Variants in MDGA2 observed in about 807,000 individuals in gnomAD.
The protein encoded by MDGA2 is MAM domain-containing glycosylphosphatidylinositol anchor protein 2.
A neutral mutation model predicts 117.8 loss-of-function variants in MDGA2; 40 were observed. That is an observed-to-expected ratio of 0.34 (90% confidence interval 0.26 to 0.44). The LOEUF (loss-of-function observed/expected upper bound fraction) is 0.44, where lower values mean the gene tolerates loss of function less well. Among genes scored for constraint, MDGA2 ranks in the 20% least tolerant of loss-of-function variants. The pLI is 1.00. For missense variants in MDGA2, 1,123 were observed against 1,250.6 expected (o/e 0.90, Z 1.54); for synonymous variants, 452 against 439.0 (o/e 1.03, Z -0.37).
At chr14:47,036,188 T>C (rs995781216) in intron 7 of MDGA2, among the ~76,000 whole-genome samples, 29 of 141,116 alleles carry the variant, frequency 2.1e-4, no homozygotes, top group African/African-American at 7.5e-4. Context: ...GAGAATGGTG[T>C]GAACCCGGGA....
intron 1 of MDGA2, among the ~76,000 whole-genome samples, chr14:47,461,370 T>C (rs560193276): frequency 6.6e-6 from 1 of 151,154 alleles, no homozygotes; most frequent in South Asian, 2.1e-4. Context: ...GAACATTTGG[T>C]CAAACTTGTT....
intron 1 of MDGA2, among the ~76,000 whole-genome samples, chr14:47,454,403 A>G (rs1371187117): frequency 2.0e-5 from 3 of 152,202 alleles, no homozygotes; most frequent in African/African-American, 7.2e-5. Flanking sequence ...AAGAGGAATG[A>G]CTGGGCCATG....
intron 2 of MDGA2, among the ~76,000 whole-genome samples, chr14:47,295,084 T>G (rs893609444): frequency 1.3e-5 from 2 of 152,228 alleles, no homozygotes; most frequent in Non-Finnish European, 2.9e-5. Context: ...CCTAGTGTTT[T>G]GGATTTACAT....
intron 4 of MDGA2, among the ~76,000 whole-genome samples, chr14:47,136,929 C>CA (rs1195742344): frequency 6.6e-6 from 1 of 152,064 alleles, no homozygotes; most frequent in Non-Finnish European, 1.5e-5. Context: ...GCTGAACAGT[C>CA]AATTATGGAA....
At chr14:47,423,553 C>T (rs1214199064) in intron 1 of MDGA2, among the ~76,000 whole-genome samples, 2 of 97,026 alleles carry the variant, frequency 2.1e-5, no homozygotes, top group East Asian at 2.3e-4. Context: ...CCTATCCCCA[C>T]GCCTGTGTGT....
intron 9 of MDGA2, among the ~76,000 whole-genome samples, chr14:46,926,257 T>C (rs1008922986): frequency 1.3e-5 from 2 of 152,088 alleles, no homozygotes; most frequent in Non-Finnish European, 2.9e-5. Context: ...AATAATTGGA[T>C]AGGAACCAAA....
At chr14:46,888,893 T>C (rs1882770149) in intron 10 of MDGA2, among the ~76,000 whole-genome samples, 1 of 151,986 alleles carries the variant, frequency 6.6e-6, no homozygotes, top group Non-Finnish European at 1.5e-5. Flanking sequence ...ATCCATTTTA[T>C]AGGAAACTCC....
At chr14:47,497,431 A>G (rs998088965) in intron 1 of MDGA2, among the ~76,000 whole-genome samples, 1 of 151,870 alleles carries the variant, frequency 6.6e-6, no homozygotes, top group South Asian at 2.1e-4. Context: ...TAATTTTTCT[A>G]TTTTTTAGTA....
intron 1 of MDGA2, among the ~76,000 whole-genome samples, chr14:47,580,252 A>G (rs1490736340): frequency 1.3e-5 from 2 of 151,974 alleles, no homozygotes; most frequent in Non-Finnish European, 1.5e-5. Context: ...AAGACACAAG[A>G]TTCAGTGTCT....
rs199502058 is a variant in MDGA2, at chr14:47,246,371, G to A, written c.421-28176C>T. Among the ~76,000 whole-genome samples the A allele has an allele frequency of 2.6e-5, 4 of 151,684 alleles. No homozygotes were observed. In the East Asian group the frequency reaches 5.8e-4, roughly 22 times the overall value. Reference sequence around the variant, plus strand: ...TCACCAATATTGGTAAAAAATAAGAGGCATTTGAAGGCTGCTGGGAGAGAT... The same window carrying A: ...TCACCAATATTGGTAAAAAATAAGAAGCATTTGAAGGCTGCTGGGAGAGAT... On this transcript the variant is annotated intron_variant, in intron 2 of 16. Transcript: ENST00000399232.
chr14:47,253,346 T>G (rs895487897), intron 2 of MDGA2, among the ~76,000 whole-genome samples: 3 of 152,154 alleles, frequency 2.0e-5, no homozygotes, highest in Non-Finnish European at 4.4e-5. Flanking sequence ...TAAAATCAAA[T>G]GCAAGTTAAT....
At chr14:47,200,795 G>A in intron 3 of MDGA2, 1 of 808,178 alleles carries the variant, frequency 1.2e-6, no homozygotes, top group Non-Finnish European at 2.1e-6. Context: ...CTTTCTTGCA[G>A]GCTTCAAACG....
chr14:47,600,545 T>C (rs1396653585), intron 1 of MDGA2, among the ~76,000 whole-genome samples: 1 of 152,128 alleles, frequency 6.6e-6, no homozygotes, highest in Non-Finnish European at 1.5e-5. Flanking sequence ...GTAGTAAGAA[T>C]TGTGTCCAAA....
intron 1 of MDGA2, among the ~76,000 whole-genome samples, chr14:47,613,438 C>G (rs1277713657): frequency 6.6e-6 from 1 of 151,322 alleles, no homozygotes; most frequent in Non-Finnish European, 1.5e-5. Flanking sequence ...CTACTATTTG[C>G]AGGCAACTTT....
Position 47,628,659 on chromosome 14 carries a change from A to G in MDGA2, c.280+45858T>C, listed in dbSNP as rs139588803. ...TACTAACCTCTTTTTGAGTATCAAGATATACTGAAGGACCTTGTATTTCTT... is the reference window on the plus strand; with the variant it reads ...TACTAACCTCTTTTTGAGTATCAAGGTATACTGAAGGACCTTGTATTTCTT... On this transcript the variant is annotated intron_variant, in intron 1 of 16. Transcript: ENST00000399232. Among the ~76,000 whole-genome samples the G allele has an allele frequency of 3.6e-3, 545 of 152,342 alleles. 3 individuals carry two copies. Among genetic ancestry groups the G allele is most frequent in the African/African-American group, 0.013 (523 of 41,586 alleles).
intron 7 of MDGA2, among the ~76,000 whole-genome samples, chr14:47,049,890 T>A (rs1889395672): frequency 6.6e-6 from 1 of 151,974 alleles, no homozygotes; most frequent in Non-Finnish European, 1.5e-5. Flanking sequence ...ACTCTTTCCC[T>A]CCCCTGCAAA....
chr14:47,621,813 C>A (rs1280376568), intron 1 of MDGA2, among the ~76,000 whole-genome samples: 1 of 152,180 alleles, frequency 6.6e-6, no homozygotes, highest in East Asian at 1.9e-4. Flanking sequence ...AGAGCAGAAT[C>A]CCAGCTGAAC....
chr14:47,218,773 C>T (rs2139514349), intron 2 of MDGA2, among the ~76,000 whole-genome samples: 1 of 152,152 alleles, frequency 6.6e-6, no homozygotes, highest in East Asian at 1.9e-4. Context: ...AATGATTTGT[C>T]TATTTTGATC....
At chr14:47,167,379 GT>G (rs1288567651) in intron 3 of MDGA2, among the ~76,000 whole-genome samples, 6 of 152,100 alleles carry the variant, frequency 3.9e-5, no homozygotes, top group Admixed American at 3.9e-4. Flanking sequence ...GTGTACTCAT[GT>G]CTTCTCCTTA....
Sources: gnomAD v4.1 joint callset for allele counts (sites outside exome capture counted in the v4.1 genomes callset) on GRCh38, gnomAD v4.1.1 for gene constraint, MANE v1.5 for transcripts, NCBI Gene and HGNC (gene_info 2026-07-23, HGNC 2026-07-21) for gene names.